FAM168A: variants seen among roughly 807,000 people sequenced by gnomAD.
The protein encoded by FAM168A is protein FAM168A.
Under a neutral mutation model 28.5 loss-of-function variants are expected in FAM168A, and 3 were observed. That is an observed-to-expected ratio of 0.11 (90% CI 0.05 to 0.27). FAM168A has a LOEUF of 0.27. Ranked by LOEUF, FAM168A falls within the 10% of genes least tolerant of loss-of-function variation. FAM168A has a pLI of 1.00. For synonymous variants in FAM168A, 122 were observed against 124.2 expected, an observed-to-expected ratio of 0.98 and a Z score of 0.12; for missense variants, 222 against 311.5, an observed-to-expected ratio of 0.71 and a Z score of 2.16.
intron 1 of FAM168A, among the ~76,000 whole-genome samples, chr11:73,534,010 G>A (rs1212938638): frequency 6.6e-6 from 1 of 152,102 alleles, no homozygotes; most frequent in Non-Finnish European, 1.5e-5. Flanking sequence ...AGAATCAAAA[G>A]CCCATACTCT....
intron 2 of FAM168A, among the ~76,000 whole-genome samples, chr11:73,438,581 G>T (rs1260869831): frequency 6.6e-6 from 1 of 152,150 alleles, no homozygotes; most frequent in African/African-American, 2.4e-5. Context: ...GGCTGTGAAG[G>T]GATTTGAATG....
intron 1 of FAM168A, among the ~76,000 whole-genome samples, chr11:73,585,785 T>TG (rs771932053): frequency 6.9e-6 from 1 of 145,088 alleles, no homozygotes; most frequent in African/African-American, 2.6e-5. Context: ...GGAGAATCAC[T>TG]GGAACCAGGG....
intron 1 of FAM168A, among the ~76,000 whole-genome samples, chr11:73,579,787 G>A (rs1466396762): frequency 1.3e-5 from 2 of 152,186 alleles, no homozygotes; most frequent in African/African-American, 4.8e-5. Context: ...ATAACCTTCA[G>A]CAGCACAGAC....
At chr11:73,472,291 A>G (rs1231061220) in intron 1 of FAM168A, among the ~76,000 whole-genome samples, 5 of 152,244 alleles carry the variant, frequency 3.3e-5, no homozygotes, top group African/African-American at 1.2e-4. Flanking sequence ...TGAAGGAGCA[A>G]GCCATGGAGA....
Position 73,424,325 on chromosome 11 carries a change from G to A in FAM168A, c.152-4326C>T, listed in dbSNP as rs561264099. 7.2e-5 allele frequency among the ~76,000 whole-genome samples: 11 copies of A among 152,282 alleles called. No homozygotes were observed. The East Asian group carries it at 2.1e-3, about 29-fold the overall frequency. On this transcript the variant is annotated intron_variant, in intron 3 of 7. Coordinates refer to ENST00000356467, the MANE Select transcript of FAM168A (RefSeq NM_015159.3). ...CCTGAGCAGCCCAGGTGAGGGTGGT[G>A]AAAGTTGCAAGTCCCTCCCATGGTC...
At chr11:73,466,154 T>C (rs1021493762) in intron 2 of FAM168A, among the ~76,000 whole-genome samples, 2 of 152,192 alleles carry the variant, frequency 1.3e-5, no homozygotes, top group South Asian at 2.1e-4. Context: ...CAGATGACAG[T>C]ACAATGGACT....
intron 1 of FAM168A, among the ~76,000 whole-genome samples, chr11:73,555,090 G>A (rs1017297138): frequency 1.3e-5 from 2 of 152,150 alleles, no homozygotes; most frequent in African/African-American, 4.8e-5. Context: ...GGCATTCTAG[G>A]AAAAAGGGAG....
At chr11:73,568,450 G>A (rs1186755800) in intron 1 of FAM168A, among the ~76,000 whole-genome samples, 2 of 152,172 alleles carry the variant, frequency 1.3e-5, no homozygotes, top group African/African-American at 4.8e-5. Flanking sequence ...TAAATATTTT[G>A]CACTATAATA....
intron 2 of FAM168A, among the ~76,000 whole-genome samples, chr11:73,445,634 G>A (rs1256513462): frequency 6.6e-6 from 1 of 151,860 alleles, no homozygotes; most frequent in Non-Finnish European, 1.5e-5. Flanking sequence ...CAACAGGCTG[G>A]TGAGGTCCTA....
At chr11:73,500,422 C>T (rs1270073711) in intron 1 of FAM168A, among the ~76,000 whole-genome samples, 2 of 152,020 alleles carry the variant, frequency 1.3e-5, no homozygotes, top group Non-Finnish European at 2.9e-5. Context: ...GCATGCCCAG[C>T]TAATTTTTGT....
At chr11:73,561,598 T>C (rs1275796244) in intron 1 of FAM168A, among the ~76,000 whole-genome samples, 1 of 152,126 alleles carries the variant, frequency 6.6e-6, no homozygotes, top group African/African-American at 2.4e-5. Context: ...ACGTGGTAAA[T>C]GCTACTCTGT....
chr11:73,575,019 G>A (rs1171977905), intron 1 of FAM168A, among the ~76,000 whole-genome samples: 1 of 151,972 alleles, frequency 6.6e-6, no homozygotes, highest in Non-Finnish European at 1.5e-5. Context: ...TAACATCCCT[G>A]TAAAGTGTGT....
At chr11:73,467,324 T>A (rs923669933) in intron 2 of FAM168A, among the ~76,000 whole-genome samples, 1 of 151,466 alleles carries the variant, frequency 6.6e-6, no homozygotes, top group East Asian at 1.9e-4. Flanking sequence ...TAGATAATAT[T>A]ATCCCAGTTC....
chr11:73,544,532 T>C (rs953745783), intron 1 of FAM168A, among the ~76,000 whole-genome samples: 2 of 151,304 alleles, frequency 1.3e-5, no homozygotes, highest in Non-Finnish European at 2.9e-5. Flanking sequence ...ACTATCCAAA[T>C]GTCCATCAAC....
chr11:73,470,540 T>C (rs1439740335), intron 1 of FAM168A, among the ~76,000 whole-genome samples: 1 of 152,204 alleles, frequency 6.6e-6, no homozygotes, highest in Non-Finnish European at 1.5e-5. Context: ...ATGCCATTAT[T>C]ACAGGAGTGG....
At chr11:73,543,590 T>G (rs370025838) in intron 1 of FAM168A, among the ~76,000 whole-genome samples, 14 of 152,278 alleles carry the variant, frequency 9.2e-5, no homozygotes, top group African/African-American at 2.6e-4. Context: ...ATATCTTAAG[T>G]CTTCAATCGG....
At chr11:73,528,346 C>T (rs756171791) in intron 1 of FAM168A, among the ~76,000 whole-genome samples, 1 of 152,116 alleles carries the variant, frequency 6.6e-6, no homozygotes, top group African/African-American at 2.4e-5. Context: ...CTAAACAGAC[C>T]CACACTTGGG....
chr11:73,462,028 T>C (rs1867655707), intron 2 of FAM168A, among the ~76,000 whole-genome samples: 1 of 152,102 alleles, frequency 6.6e-6, no homozygotes, highest in Non-Finnish European at 1.5e-5. Flanking sequence ...GTATGTAAAA[T>C]GCTGCAGCCA....
Position 73,407,381 on chromosome 11 carries a change from A to T in FAM168A, c.*18+132T>A, listed in dbSNP as rs1249290331. On this transcript the variant is annotated intron_variant, in intron 7 of 7. Transcript: ENST00000356467. The stretch of plus-strand genomic sequence containing the variant: ...AGAGTGATATTATGGACCTTGGAGC[A>T]GGAAAGCAACTGGTAACTTGACAGC... 3 of 544,204 alleles carry T rather than the reference A, an allele frequency of 5.5e-6. No individual in the cohort carries two copies. In the African/African-American group the frequency reaches 6.0e-5, roughly 11 times the overall value. 33.7% of individuals were successfully genotyped at this position (544,204 alleles called of 1,614,324 possible).
Sources: allele counts gnomAD v4.1 joint callset (sites outside exome capture counted in the v4.1 genomes callset), GRCh38; gene constraint gnomAD v4.1.1; transcripts MANE v1.5; gene names NCBI Gene and HGNC (gene_info 2026-07-23, HGNC 2026-07-21).